The following ERAP2 variants were observed in gnomAD, a reference collection of about 807,000 sequenced individuals.
ERAP2 encodes the protein endoplasmic reticulum aminopeptidase 2.
Under a neutral mutation model 111.1 loss-of-function variants are expected in ERAP2, and 118 were observed. The observed-to-expected ratio is 1.06, with a 90% CI of 0.92 to 1.24. The LOEUF (loss-of-function observed/expected upper bound fraction) is 1.24, where lower values mean the gene tolerates loss of function less well. Among genes scored for constraint, ERAP2 ranks in the 50% most tolerant of loss-of-function variants. The probability of loss-of-function intolerance (pLI) is 0.00; values close to 1 mark genes in which losing one functional copy is unlikely to be tolerated. For missense variants in ERAP2, 1,131 were observed against 1,125.8 expected (o/e 1.00, Z -0.07); for synonymous variants, 410 against 401.2 (o/e 1.02, Z -0.26).
At chr5:96,895,502 A>C in intron 7 of ERAP2, 143 bp downstream of exon 7, 1 of 655,940 alleles carries the variant, frequency 1.5e-6, no homozygotes, top group Non-Finnish European at 2.7e-6. Flanking sequence ...TACACGAAAC[A>C]GATCACAGAA....
At position 96,903,467 on chromosome 5, in the gene ERAP2, G is replaced by A. The variant is rs1313073667; in HGVS notation, c.1919G>A (p.Trp640Ter). Residue 640 changes from tryptophan (W) to a stop codon, truncating the protein, a stop_gained, in exon 13 of 19, where the codon TGG becomes TAG. Coordinates refer to ENST00000437043, the MANE Select transcript of ERAP2 (RefSeq NM_022350.5). LOFTEE classifies it high-confidence loss of function. ...ATCGTTCACTATGAGGGTCATGGAT[G>A]GGACCAACTCATTACACAGCTGAAT... is the stretch of plus-strand genomic sequence containing the variant. Reference protein sequence around the residue: ...YYIVHYEGHGWDQLITQLNQN... With the variant: ...YYIVHYEGHG The A allele has an allele frequency of 6.2e-7, 1 of 1,613,906 alleles. No homozygotes were observed. The highest frequency in any genetic ancestry group is 8.5e-7 in the Non-Finnish European group (1 of 1,179,950).
In ERAP2 at chr5:96,909,580, C is replaced by T. The variant is rs578206996; in HGVS notation, c.2170C>T (p.Arg724Cys). The T allele has an allele frequency of 1.4e-5, 23 of 1,613,022 alleles. No individual in the cohort carries two copies. The African/African-American group carries it at 2.0e-4, about 14-fold the overall frequency. Residue 724 changes from arginine (R) to cysteine (C), a missense_variant and splice_region_variant, in exon 15 of 19, where the codon CGT (arginine) becomes TGT (cysteine). Arg to Cys is a radical substitution (Grantham distance 180). Coordinates refer to ENST00000437043, the MANE Select transcript of ERAP2 (RefSeq NM_022350.5). ...NISDISENLK[R>C]YLLQYFKPVI... ...GTTAACCATCTCATATTTTCTGCAGCGTTACCTTCTTCAGTATTTTAAGCC... is the reference window on the plus strand; with the variant it reads ...GTTAACCATCTCATATTTTCTGCAGTGTTACCTTCTTCAGTATTTTAAGCC...
chr5:96,900,367 T>C, intron 10 of ERAP2, 178 bp downstream of exon 10: 1 of 939,750 alleles, frequency 1.1e-6, no homozygotes, highest in Admixed American at 3.2e-5. Flanking sequence ...AGGGGGACAA[T>C]GCTGTTGCTA....
chr5:96,882,284 A>G (rs535512148), intron 2 of ERAP2, among the ~76,000 whole-genome samples: 1 of 152,314 alleles, frequency 6.6e-6, no homozygotes, highest in South Asian at 2.1e-4. Flanking sequence ...CATATATCTT[A>G]GGGATACTAT....
At chr5:96,913,044 A>G (rs975037726) in intron 16 of ERAP2, among the ~76,000 whole-genome samples, 4 of 152,248 alleles carry the variant, frequency 2.6e-5, no homozygotes, top group African/African-American at 9.6e-5. Flanking sequence ...AAACTTGAAG[A>G]AAAATTATTG....
At chr5:96,895,418 T>A in intron 7 of ERAP2, 59 bp downstream of exon 7, 1 of 1,203,768 alleles carries the variant, frequency 8.3e-7, no homozygotes, top group Non-Finnish European at 1.2e-6. Flanking sequence ...AATTCACTAT[T>A]AAAATTTCAA....
chr5:96,907,204 AT>A (rs1561392729), intron 13 of ERAP2, among the ~76,000 whole-genome samples: 1 of 152,240 alleles, frequency 6.6e-6, no homozygotes, highest in Non-Finnish European at 1.5e-5. Flanking sequence ...CTAAACAAAC[AT>A]TCAGATAACA....
chr5:96,886,579 A>T, intron 3 of ERAP2, 76 bp from the exon 4 acceptor site: 1 of 1,298,582 alleles, frequency 7.7e-7, no homozygotes, highest in East Asian at 2.6e-5. Context: ...CCTCTAACTC[A>T]CCTGCCATAA....
intron 1 of ERAP2, among the ~76,000 whole-genome samples, chr5:96,878,666 G>A (rs1193095447): frequency 6.6e-6 from 1 of 152,040 alleles, no homozygotes; most frequent in Non-Finnish European, 1.5e-5. Flanking sequence ...AGTGACCCAC[G>A]CCTGTGATCT....
In ERAP2 at chr5:96,917,470, A is replaced by AT; in HGVS notation, c.2754dup (p.Glu919Ter). Reference sequence around the variant, plus strand: ...TCTTCAATATTTTACAGGTGAAACTATTTTTTGAATCTCTTGAGGCTCAAG... The same window carrying AT: ...TCTTCAATATTTTACAGGTGAAACTATTTTTTTGAATCTCTTGAGGCTCAAG... On this transcript the variant is annotated frameshift_variant, in exon 19 of 19. Coordinates refer to ENST00000437043, the MANE Select transcript of ERAP2 (RefSeq NM_022350.5). LOFTEE classifies it high-confidence loss of function. 2.5e-6 allele frequency: 4 copies of AT among 1,610,654 alleles called. No homozygotes were observed. The highest frequency in any genetic ancestry group is 3.4e-6 in the Non-Finnish European group (4 of 1,178,876).
chr5:96,908,814 C>A, intron 13 of ERAP2, 147 bp from the exon 14 acceptor site: 1 of 754,794 alleles, frequency 1.3e-6, no homozygotes, highest in Non-Finnish European at 2.1e-6. Context: ...CTCAGCTAGT[C>A]AGTGGCAGAG....
chr5:96,896,622 T>C, intron 8 of ERAP2, 110 bp from the exon 9 acceptor site: 1 of 1,444,874 alleles, frequency 6.9e-7, no homozygotes, highest in Non-Finnish European at 9.2e-7. Flanking sequence ...TTTTATTTGT[T>C]CACTTTTCAG....
At chr5:96,904,888 A>T (rs567080922) in intron 13 of ERAP2, among the ~76,000 whole-genome samples, 1 of 152,358 alleles carries the variant, frequency 6.6e-6, no homozygotes, top group African/African-American at 2.4e-5. Context: ...AGACAGATTA[A>T]TGAAGTTAAG....
intron 1 of ERAP2, among the ~76,000 whole-genome samples, chr5:96,878,176 T>G (rs1316419665): frequency 6.6e-6 from 1 of 152,190 alleles, no homozygotes; most frequent in East Asian, 1.9e-4. Context: ...GTAAATTCAG[T>G]TTGATTTAAT....
intron 12 of ERAP2, 200 bp downstream of exon 12, chr5:96,902,553 G>C: frequency 2.0e-6 from 1 of 491,772 alleles, no homozygotes; most frequent in Non-Finnish European, 3.6e-6. Flanking sequence ...GTTCTCTTGC[G>C]CTTTTATCAT....
chr5:96,905,745 G>A (rs922311426), intron 13 of ERAP2, among the ~76,000 whole-genome samples: 1 of 151,994 alleles, frequency 6.6e-6, no homozygotes, highest in Admixed American at 6.6e-5. Context: ...TTAGCCCAGT[G>A]TGGTGGTGTA....
Position 96,892,258 on chromosome 5 carries a change from G to A in ERAP2, c.971-41G>A, listed in dbSNP as rs775698713. On this transcript the variant is annotated intron_variant, in intron 5 of 18. Transcript: ENST00000437043. ...AGAGAGCAAATTCTATTTCTGGTGT[G>A]GGAGCCATAAAACTCAAGTATGGTT... 4 of 1,603,698 alleles carry A rather than the reference G, an allele frequency of 2.5e-6. No individual in the cohort carries two copies. The East Asian group carries it at 8.9e-5, about 36-fold the overall frequency.
intron 5 of ERAP2, chr5:96,889,547 C>T (rs759879420): frequency 4.4e-6 from 3 of 689,282 alleles, no homozygotes; most frequent in South Asian, 1.7e-5. Flanking sequence ...ATATCTGCAT[C>T]GAACTCTTTC....
chr5:96,889,624 A>G (rs953687748), intron 5 of ERAP2: 8 of 641,978 alleles, frequency 1.2e-5, no homozygotes, highest in Non-Finnish European at 2.2e-5. Flanking sequence ...TCCAGGAAAG[A>G]GATGGGGAGA....
Sources: gnomAD v4.1 joint callset for allele counts (sites outside exome capture counted in the v4.1 genomes callset) on GRCh38, gnomAD v4.1.1 for gene constraint, MANE v1.5 for transcripts, NCBI Gene and HGNC (gene_info 2026-07-23, HGNC 2026-07-21) for gene names.